The following PPM1K variants were observed in gnomAD, a reference collection of about 807,000 sequenced individuals.
PPM1K encodes protein phosphatase, Mg2+/Mn2+ dependent 1K.
A neutral mutation model predicts 32.6 loss-of-function variants in PPM1K; 19 were observed. That is an observed-to-expected ratio of 0.58 (90% CI 0.41 to 0.86). The LOEUF (loss-of-function observed/expected upper bound fraction) is 0.86. Among genes scored for constraint, PPM1K ranks in the 40% least tolerant of loss-of-function variants. PPM1K has a pLI of 0.00. For missense variants in PPM1K, 362 were observed against 461.2 expected (o/e 0.78, Z 1.97); for synonymous variants, 159 against 165.3 (o/e 0.96, Z 0.29).
chr4:88,262,773 T>A, intron 6 of PPM1K, 47 bp from the exon 7 acceptor site: 1 of 1,573,550 alleles, frequency 6.4e-7, no homozygotes, highest in Non-Finnish European at 8.6e-7. Flanking sequence ...GAAATCACAG[T>A]CTATACAAAG....
At position 88,258,671 on chromosome 4, in the gene PPM1K, TC is replaced by T. The variant is rs2110148269; in HGVS notation, c.*3923del. ...ATCTTTTAGATTATGTGCTAATAAT[TC>T]TCTTTTAAGTGTTGGAACAGGGGAA... On this transcript the variant is annotated 3_prime_UTR_variant, in exon 7 of 7. Transcript: ENST00000608933. The T allele has an allele frequency of 6.6e-6, 1 of 152,048 alleles. No homozygotes were observed. Among genetic ancestry groups the T allele is most frequent in the African/African-American group, 2.4e-5 (1 of 41,478 alleles). 9.4% of individuals were successfully genotyped at this position (152,048 alleles called of 1,614,324 possible). A position where few individuals can be genotyped will look rare whatever the true frequency, so the allele number is the denominator to read the frequency against.
chr4:88,264,649 G>A (rs944234429), intron 6 of PPM1K, among the ~76,000 whole-genome samples: 1 of 152,050 alleles, frequency 6.6e-6, no homozygotes, highest in Non-Finnish European at 1.5e-5. Flanking sequence ...AACCTAATAG[G>A]GTTATTGTGA....
intron 1 of PPM1K, chr4:88,284,102 C>T (rs1328709612): frequency 6.6e-6 from 1 of 151,854 alleles, no homozygotes; most frequent in Non-Finnish European, 1.5e-5. Context: ...AGCCTGCGGC[C>T]ACATTCAAGG....
chr4:88,283,339 T>C (rs1313195478), intron 1 of PPM1K, among the ~76,000 whole-genome samples: 1 of 152,270 alleles, frequency 6.6e-6, no homozygotes, highest in Admixed American at 6.5e-5. Flanking sequence ...CTCGAACTCC[T>C]GGGCTCAAGC....
chr4:88,274,571 T>G (rs939131608), intron 3 of PPM1K, among the ~76,000 whole-genome samples: 2 of 152,172 alleles, frequency 1.3e-5, no homozygotes, highest in African/African-American at 4.8e-5. Flanking sequence ...GAGGGTAAAC[T>G]GCACTTACTA....
chr4:88,260,829 G>A lies in PPM1K; in HGVS notation c.*1766C>T, dbSNP rs1731091372. 6.7e-6 allele frequency: 1 copy of A among 150,246 alleles called. No homozygotes were observed. The highest frequency in any genetic ancestry group is 2.4e-5 in the African/African-American group (1 of 40,956). 9.3% of individuals were successfully genotyped at this position (150,246 alleles called of 1,614,324 possible). A position where few individuals can be genotyped will look rare whatever the true frequency, so the allele number is the denominator to read the frequency against. On this transcript the variant is annotated 3_prime_UTR_variant, in exon 7 of 7. Transcript: ENST00000608933. The stretch of plus-strand genomic sequence containing the variant: ...TACATCAACTTTTTCTTTTGTTTCT[G>A]CCACAGAATTCCATGTCATTCTTAA...
intron 1 of PPM1K, among the ~76,000 whole-genome samples, chr4:88,280,869 G>A (rs1490569854): frequency 6.6e-6 from 1 of 152,138 alleles, no homozygotes; most frequent in Non-Finnish European, 1.5e-5. Flanking sequence ...GAGAGAGAGA[G>A]CGAGAGAGAG....
At chr4:88,275,452 A>G (rs1304921396) in intron 3 of PPM1K, 3 of 985,202 alleles carry the variant, frequency 3.0e-6, no homozygotes, top group Non-Finnish European at 3.6e-6. Context: ...ACTTCATTCA[A>G]TAATAAAAGG....
At chr4:88,279,188 C>T (rs1267497307) in intron 1 of PPM1K, 1 of 152,240 alleles carries the variant, frequency 6.6e-6, no homozygotes, top group Non-Finnish European at 1.5e-5. Context: ...GCAACAAAGT[C>T]TCTTCAGGAA....
Position 88,261,618 on chromosome 4 carries a change from G to C in PPM1K, c.*977C>G, listed in dbSNP as rs1224879222. On this transcript the variant is annotated 3_prime_UTR_variant, in exon 7 of 7. Coordinates refer to ENST00000608933, the MANE Select transcript of PPM1K (RefSeq NM_152542.5). ...AATAAATGGAGGGGAGGGCTGATGAGACAGCTGAAATACACATTTATAAAT... is the reference window on the plus strand; with the variant it reads ...AATAAATGGAGGGGAGGGCTGATGACACAGCTGAAATACACATTTATAAAT... 1 of 151,448 alleles carries C rather than the reference G, an allele frequency of 6.6e-6. No individual in the cohort carries two copies. Among genetic ancestry groups the C allele is most frequent in the African/African-American group, 2.4e-5 (1 of 41,258 alleles). The allele number at this position is 151,448 out of a possible 1,614,324, so 9.4% of individuals were successfully genotyped here. A position where few individuals can be genotyped will look rare whatever the true frequency, so the allele number is the denominator to read the frequency against.
chr4:88,276,544 T>C, intron 3 of PPM1K: 3 of 985,450 alleles, frequency 3.0e-6, no homozygotes, highest in Non-Finnish European at 3.6e-6. Flanking sequence ...TAAATTCAGC[T>C]AGCATGACCT....
intron 2 of PPM1K, 149 bp from the exon 3 acceptor site, chr4:88,277,392 T>C (rs1578322088): frequency 1.7e-6 from 1 of 605,630 alleles, no homozygotes. Flanking sequence ...GGAATACCTA[T>C]TGAGAATCCA....
rs1731134605 is a variant in PPM1K at position 88,261,890 on chromosome 4, T to TGG, written c.*704_*705insCC. 1 of 139,540 alleles carries TGG rather than the reference T, an allele frequency of 7.2e-6. No individual in the cohort carries two copies. Among genetic ancestry groups the TGG allele is most frequent in the Non-Finnish European group, 1.5e-5 (1 of 65,698 alleles). The allele number at this position is 139,540 out of a possible 1,614,324, so 8.6% of individuals were successfully genotyped here. ...TTTTTTTTTTTTTTTTTTTTTTTTTTTTGGATTTTTACTAGAGACAGGGTT... is the reference window on the plus strand; with the variant it reads ...TTTTTTTTTTTTTTTTTTTTTTTTTTGGTTGGATTTTTACTAGAGACAGGGTT... On this transcript the variant is annotated 3_prime_UTR_variant, in exon 7 of 7. Transcript: ENST00000608933.
intron 3 of PPM1K, 40 bp downstream of exon 3, chr4:88,277,103 G>C: frequency 6.8e-7 from 1 of 1,481,290 alleles, no homozygotes; most frequent in Non-Finnish European, 9.4e-7. Flanking sequence ...CCCACCCCAT[G>C]TACTCCCTAG....
At chr4:88,282,804 G>C (rs557903410) in intron 1 of PPM1K, among the ~76,000 whole-genome samples, 2 of 152,296 alleles carry the variant, frequency 1.3e-5, no homozygotes, top group South Asian at 2.1e-4. Context: ...TTTAAGACAC[G>C]TTAGTAAATA....
At chr4:88,276,790 C>A (rs1731783204) in intron 3 of PPM1K, 2 of 1,002,114 alleles carry the variant, frequency 2.0e-6, no homozygotes, top group South Asian at 4.4e-5. Flanking sequence ...AAAAAAAAAA[C>A]CAAAAACCCA....
chr4:88,265,309 A>C (rs376802638), intron 5 of PPM1K, among the ~76,000 whole-genome samples, 174 bp from the exon 6 acceptor site: 44 of 152,356 alleles, frequency 2.9e-4, no homozygotes, highest in African/African-American at 1.1e-3. Context: ...AGCTACCATA[A>C]TTCCCATGTG....
intron 3 of PPM1K, among the ~76,000 whole-genome samples, chr4:88,272,778 T>A (rs1260149360): frequency 6.6e-6 from 1 of 152,238 alleles, no homozygotes; most frequent in African/African-American, 2.4e-5. Context: ...TTCTTGCCAT[T>A]TCTTGATAAG....
At chr4:88,273,382 T>C (rs1305034218) in intron 3 of PPM1K, among the ~76,000 whole-genome samples, 4 of 152,104 alleles carry the variant, frequency 2.6e-5, no homozygotes, top group African/African-American at 7.2e-5. Flanking sequence ...GCTGTGCCAA[T>C]AGAAAAGTAC....
Sources: gnomAD v4.1 joint callset for allele counts (sites outside exome capture counted in the v4.1 genomes callset) on GRCh38, gnomAD v4.1.1 for gene constraint, MANE v1.5 for transcripts, NCBI Gene and HGNC (gene_info 2026-07-23, HGNC 2026-07-21) for gene names.